Variants in HDDC2 observed in about 807,000 individuals in gnomAD.
The protein encoded by HDDC2 is 5'-deoxynucleotidase HDDC2.
HDDC2 carries 25 observed loss-of-function variants against 25.5 expected under a neutral mutation model. That is an observed-to-expected ratio of 0.98 (90% CI 0.72 to 1.37). The LOEUF (loss-of-function observed/expected upper bound fraction) is 1.37. Among genes scored for constraint, HDDC2 ranks in the 40% most tolerant of loss-of-function variants. The pLI, the probability that HDDC2 is intolerant of heterozygous loss-of-function variation, is 0.00. For missense variants in HDDC2, 264 were observed against 253.1 expected, an observed-to-expected ratio of 1.04 and a Z score of -0.29; for synonymous variants, 106 against 89.7, an observed-to-expected ratio of 1.18 and a Z score of -1.03.
chr6:125,287,070 T>C (rs1238378688), intron 4 of HDDC2, among the ~76,000 whole-genome samples: 1 of 152,174 alleles, frequency 6.6e-6, no homozygotes, highest in Non-Finnish European at 1.5e-5. Flanking sequence ...CAGAGGAACG[T>C]GACCTGCACC....
intron 4 of HDDC2, among the ~76,000 whole-genome samples, chr6:125,291,481 T>C (rs1798630684): frequency 6.6e-6 from 1 of 152,164 alleles, no homozygotes; most frequent in Admixed American, 6.5e-5. Flanking sequence ...CGGATGAAGA[T>C]TTCTGCATCA....
intron 2 of HDDC2, chr6:125,300,335 C>T (rs781273981): frequency 1.7e-6 from 1 of 578,330 alleles, no homozygotes; most frequent in Non-Finnish European, 2.9e-6. Flanking sequence ...GGCTCTATCA[C>T]TTGCCAACAG....
chr6:125,276,977 T>C, intron 5 of HDDC2, 125 bp downstream of exon 5: 1 of 915,900 alleles, frequency 1.1e-6, no homozygotes, highest in African/African-American at 1.7e-5. Flanking sequence ...CCCTTTCTTT[T>C]TAGATGCTCC....
chr6:125,288,350 C>A (rs547707235), intron 4 of HDDC2, among the ~76,000 whole-genome samples: 163 of 152,190 alleles, frequency 1.1e-3, no homozygotes, highest in Middle Eastern at 3.4e-3. Flanking sequence ...CTCTGCAGAG[C>A]CTGGTGGCCA....
chr6:125,284,005 A>G (rs982992046), intron 4 of HDDC2, among the ~76,000 whole-genome samples: 4 of 152,202 alleles, frequency 2.6e-5, no homozygotes, highest in African/African-American at 9.7e-5. Context: ...CCTCAGAAAT[A>G]ACAACACACA....
chr6:125,285,095 A>G (rs1296705806), intron 4 of HDDC2, among the ~76,000 whole-genome samples: 3 of 150,940 alleles, frequency 2.0e-5, no homozygotes, highest in East Asian at 3.9e-4. Context: ...GTTCTCACTC[A>G]TAAGTGGGAG....
chr6:125,281,226 TA>T (rs1798453254), intron 4 of HDDC2, among the ~76,000 whole-genome samples: 2 of 151,846 alleles, frequency 1.3e-5, no homozygotes, highest in African/African-American at 4.8e-5. Context: ...AGACCAAAGG[TA>T]GATAAATCCA....
At chr6:125,279,173 A>C (rs1798419329) in intron 4 of HDDC2, 1 of 152,250 alleles carries the variant, frequency 6.6e-6, no homozygotes, top group Non-Finnish European at 1.5e-5. Flanking sequence ...GAAATCTCAC[A>C]TTTTAAGAAC....
rs1435708929 is a variant in HDDC2 at position 125,301,965 on chromosome 6, C to T, written c.-33G>A. The stretch of plus-strand genomic sequence containing the variant: ...CCGACCCCGGCTGGGCGGAGCAGGC[C>T]GCGGCGAAGCTCCTCCCCGTCCTCC... On this transcript the variant is annotated 5_prime_UTR_variant, in exon 1 of 6. Coordinates refer to ENST00000398153, the MANE Select transcript of HDDC2 (RefSeq NM_016063.3). 6.6e-7 allele frequency: 1 copy of T among 1,515,110 alleles called. No individual in the cohort carries two copies. The highest frequency in any genetic ancestry group is 8.9e-7 in the Non-Finnish European group (1 of 1,122,432). 93.9% of individuals were successfully genotyped at this position (1,515,110 alleles called of 1,614,324 possible).
chr6:125,298,771 A>G lies in HDDC2; in HGVS notation c.252T>C (p.Val84=). 1 of 1,614,174 alleles carries G rather than the reference A, an allele frequency of 6.2e-7. No individual in the cohort carries two copies. The highest frequency in any genetic ancestry group is 8.5e-7 in the Non-Finnish European group (1 of 1,180,038). ...ALVHDMAECI[V]GDIAPADNIP... is the part of the protein sequence containing the mutation. Reference sequence around the variant, plus strand: ...TGTTATCTGCTGGTGCTATGTCCCCAACGATGCATTCTGCCATATCATGAA... The same window carrying G: ...TGTTATCTGCTGGTGCTATGTCCCCGACGATGCATTCTGCCATATCATGAA... The change falls in exon 3 of 6, where the codon GTT becomes GTC. Residue 84 remains valine (V), a synonymous_variant. Transcript: ENST00000398153.
intron 4 of HDDC2, chr6:125,278,562 A>C (rs1002053418): frequency 5.9e-5 from 9 of 152,254 alleles, no homozygotes; most frequent in Admixed American, 5.9e-4. Context: ...AAAAAGGCAA[A>C]GCACACAAAA....
rs1281976589 is a variant in HDDC2 at position 125,276,033 on chromosome 6, A to T, written c.*113T>A. On this transcript the variant is annotated 3_prime_UTR_variant, in exon 6 of 6. Transcript: ENST00000398153. The stretch of plus-strand genomic sequence containing the variant: ...TTTCTTGCTGAAGTTCAGACAATTG[A>T]AAACAAACAGACTCACATCTAGGGA... 4 of 780,916 alleles carry T rather than the reference A, an allele frequency of 5.1e-6. No homozygotes were observed. Among genetic ancestry groups the T allele is most frequent in the Non-Finnish European group, 6.5e-6 (3 of 464,004 alleles). 48.4% of individuals were successfully genotyped at this position (780,916 alleles called of 1,614,324 possible).
intron 4 of HDDC2, among the ~76,000 whole-genome samples, chr6:125,288,568 C>T (rs527663888): frequency 1.7e-3 from 261 of 152,212 alleles, no homozygotes; most frequent in Non-Finnish European, 2.6e-3. Context: ...TTAAACATTT[C>T]GCAACCTACT....
Position 125,276,048 on chromosome 6 carries a change from A to T in HDDC2, c.*98T>A. On this transcript the variant is annotated 3_prime_UTR_variant, in exon 6 of 6. Transcript: ENST00000398153. The stretch of plus-strand genomic sequence containing the variant: ...CAGACAATTGAAAACAAACAGACTC[A>T]CATCTAGGGAAATCAACAGACCAAC... 1.2e-6 allele frequency: 1 copy of T among 856,316 alleles called. No homozygotes were observed. The highest frequency in any genetic ancestry group is 1.9e-6 in the Non-Finnish European group (1 of 515,110). The allele number at this position is 856,316 out of a possible 1,614,324, so 53.0% of individuals were successfully genotyped here.
At chr6:125,295,140 T>A (rs755920979) in intron 3 of HDDC2, among the ~76,000 whole-genome samples, 1 of 152,170 alleles carries the variant, frequency 6.6e-6, no homozygotes, top group African/African-American at 2.4e-5. Context: ...TGCCAGCCTT[T>A]CCCTTCCTGG....
At chr6:125,284,812 G>A (rs904984676) in intron 4 of HDDC2, among the ~76,000 whole-genome samples, 4 of 152,134 alleles carry the variant, frequency 2.6e-5, no homozygotes, top group Admixed American at 6.5e-5. Context: ...TCCCATTACC[G>A]GGTATACACC....
rs1410987363 is a variant in HDDC2 at position 125,292,753 on chromosome 6, G to C, written c.378+88C>G. On this transcript the variant is annotated intron_variant, in intron 4 of 5. Transcript: ENST00000398153. ...GACAGTAATAAGTTAGGGACCGCTT[G>C]TTAAGATCATCTAAGTCAAGTACAA... 8.9e-6 allele frequency: 9 copies of C among 1,007,988 alleles called. No individual in the cohort carries two copies. The Admixed American group carries it at 1.4e-4, about 15-fold the overall frequency. 62.4% of individuals were successfully genotyped at this position (1,007,988 alleles called of 1,614,324 possible).
chr6:125,298,115 G>A (rs866796856), intron 3 of HDDC2, among the ~76,000 whole-genome samples: 15 of 152,122 alleles, frequency 9.9e-5, no homozygotes, highest in Middle Eastern at 3.4e-3. Context: ...TGGAGGGAGA[G>A]GGGGGTTAAA....
At chr6:125,301,482 G>GCACACACACGCGCACACACACA (rs1412473241) in intron 1 of HDDC2, among the ~76,000 whole-genome samples, 48 of 120,420 alleles carry the variant, frequency 4.0e-4, no homozygotes, top group African/African-American at 1.5e-3. Flanking sequence ...GGGGTCGTGA[G>GCACACACACGCGCACACACACA]CACACACACA....
Sources: allele counts gnomAD v4.1 joint callset (sites outside exome capture counted in the v4.1 genomes callset), GRCh38; gene constraint gnomAD v4.1.1; transcripts MANE v1.5; gene names NCBI Gene and HGNC (gene_info 2026-07-23, HGNC 2026-07-21).